The following RAB30 variants were observed in gnomAD, a reference collection of about 807,000 sequenced individuals.
RAB30 encodes RAB30, member RAS oncogene family.
A neutral mutation model predicts 25.1 loss-of-function variants in RAB30; 9 were observed. That is an observed-to-expected ratio of 0.36 (90% CI 0.22 to 0.63). The LOEUF is 0.63. RAB30 is among the 20% of genes least tolerant of loss of function. The probability of loss-of-function intolerance (pLI) is 0.69; values close to 1 mark genes in which losing one functional copy is unlikely to be tolerated. For missense variants in RAB30, 140 were observed against 243.5 expected (o/e 0.58, Z 2.83); for synonymous variants, 77 against 86.4 (o/e 0.89, Z 0.60).
At chr11:83,058,441 A>G (rs1426976921) in intron 1 of RAB30, among the ~76,000 whole-genome samples, 2 of 152,222 alleles carry the variant, frequency 1.3e-5, no homozygotes, top group African/African-American at 4.8e-5. Context: ...ACCATTCCTC[A>G]GTCTTTGTTT....
At chr11:83,014,408 TGTG>T (rs199851419) in intron 1 of RAB30, among the ~76,000 whole-genome samples, 2,845 of 151,970 alleles carry the variant, frequency 0.019, 85 homozygotes, top group African/African-American at 0.065. Flanking sequence ...ATTAGCTGGA[TGTG>T]GTGGTACACA....
At chr11:83,051,285 C>CACA (rs1239928495) in intron 1 of RAB30, among the ~76,000 whole-genome samples, 2 of 152,152 alleles carry the variant, frequency 1.3e-5, no homozygotes, top group African/African-American at 4.8e-5. Context: ...AACTGCTGTA[C>CACA]ACACAAGAAA....
At chr11:83,044,389 G>A (rs1356793740) in intron 1 of RAB30, among the ~76,000 whole-genome samples, 1 of 152,190 alleles carries the variant, frequency 6.6e-6, no homozygotes, top group African/African-American at 2.4e-5. Context: ...TAGGTTCAAA[G>A]GATATGGCTT....
chr11:82,990,417 A>T (rs1289956205), intron 3 of RAB30, among the ~76,000 whole-genome samples: 2 of 152,246 alleles, frequency 1.3e-5, no homozygotes, highest in African/African-American at 4.8e-5. Context: ...TTAACAGATT[A>T]GTAGGGTATT....
chr11:83,011,595 G>A (rs1241434665), intron 1 of RAB30, among the ~76,000 whole-genome samples: 1 of 152,198 alleles, frequency 6.6e-6, no homozygotes, highest in African/African-American at 2.4e-5. Context: ...AATTAGAAAG[G>A]CATTTAACAG....
chr11:83,036,624 GAAC>G (rs964629280), intron 1 of RAB30, among the ~76,000 whole-genome samples: 64 of 152,302 alleles, frequency 4.2e-4, no homozygotes, highest in African/African-American at 1.5e-3. Context: ...AGTTACCAAA[GAAC>G]TACTGTTCTC....
intron 1 of RAB30, among the ~76,000 whole-genome samples, chr11:83,013,984 C>T (rs1212857129): frequency 2.0e-5 from 3 of 152,206 alleles, no homozygotes; most frequent in Admixed American, 2.0e-4. Flanking sequence ...TCACTCATTT[C>T]ATACATTTGT....
intron 1 of RAB30, among the ~76,000 whole-genome samples, chr11:83,009,441 C>A (rs972636539): frequency 6.6e-6 from 1 of 152,066 alleles, no homozygotes; most frequent in African/African-American, 2.4e-5. Flanking sequence ...TCTATGAAAT[C>A]AAGAATTCTG....
At chr11:83,032,055 A>G (rs1269617784) in intron 1 of RAB30, among the ~76,000 whole-genome samples, 1 of 152,172 alleles carries the variant, frequency 6.6e-6, no homozygotes, top group Non-Finnish European at 1.5e-5. Context: ...GAAAAGACAG[A>G]GCCGTCCACT....
chr11:82,986,988 G>T (rs769519965), intron 4 of RAB30: 1 of 146,528 alleles, frequency 6.8e-6, no homozygotes, highest in Non-Finnish European at 1.5e-5. Flanking sequence ...ACTACAAACA[G>T]AGAAGTTTTT....
At chr11:82,992,805 T>C (rs2121453973) in intron 3 of RAB30, among the ~76,000 whole-genome samples, 1 of 149,590 alleles carries the variant, frequency 6.7e-6, no homozygotes. Flanking sequence ...TGGAGTGCAA[T>C]GGCACAATCA....
At chr11:83,020,421 C>A (rs1389321795) in intron 1 of RAB30, among the ~76,000 whole-genome samples, 1 of 152,204 alleles carries the variant, frequency 6.6e-6, no homozygotes, top group Non-Finnish European at 1.5e-5. Context: ...TAGGCACCAA[C>A]AAACATGGGA....
At chr11:82,983,978 A>C (rs926904919) in intron 4 of RAB30, among the ~76,000 whole-genome samples, 1 of 152,196 alleles carries the variant, frequency 6.6e-6, no homozygotes, top group Non-Finnish European at 1.5e-5. Flanking sequence ...GGAAAAAGGA[A>C]ATATAAATAT....
At chr11:83,029,478 C>T (rs981223176) in intron 1 of RAB30, among the ~76,000 whole-genome samples, 5 of 151,954 alleles carry the variant, frequency 3.3e-5, no homozygotes, top group African/African-American at 1.2e-4. Context: ...TCATGGCTCA[C>T]TGCAGCCTCA....
chr11:83,003,003 T>C lies in RAB30; in HGVS notation c.-8-5679A>G, dbSNP rs576700480. Among the ~76,000 whole-genome samples, 96 of 152,308 alleles carry C rather than the reference T, an allele frequency of 6.3e-4. 1 individual carries two copies. Among genetic ancestry groups the C allele is most frequent in the Admixed American group, 1.2e-3 (19 of 15,300 alleles). ...AAACTGTGTGTCTCAGGCAGGTCCT[T>C]TGGGCCTTGACTTGGTCTGTAAATG... On this transcript the variant is annotated intron_variant, in intron 1 of 4. Coordinates refer to ENST00000527633, the MANE Select transcript of RAB30 (RefSeq NM_001286060.2).
chr11:83,018,399 T>A (rs1857490042), intron 1 of RAB30, among the ~76,000 whole-genome samples: 1 of 151,622 alleles, frequency 6.6e-6, no homozygotes, highest in African/African-American at 2.4e-5. Context: ...AGGAGTAAGG[T>A]GGTATCTCAT....
intron 1 of RAB30, among the ~76,000 whole-genome samples, chr11:83,030,508 C>G (rs1857831211): frequency 6.6e-6 from 1 of 151,558 alleles, no homozygotes; most frequent in Admixed American, 6.6e-5. Context: ...AAAAAAAAGT[C>G]TTTTTTTGGC....
chr11:83,019,063 G>A lies in RAB30; in HGVS notation c.-8-21739C>T, dbSNP rs547053007. Among the ~76,000 whole-genome samples, 78 of 152,310 alleles carry A rather than the reference G, an allele frequency of 5.1e-4. 1 individual carries two copies. The highest frequency in any genetic ancestry group is 1.5e-3 in the African/African-American group (64 of 41,580). On this transcript the variant is annotated intron_variant, in intron 1 of 4. Coordinates refer to ENST00000527633, the MANE Select transcript of RAB30 (RefSeq NM_001286060.2). ...TTGTTTTGAGACAGAGTCTCACTCCGTCACCCAGGCTGGAATGCAGTGGCA... is the reference window on the plus strand; with the variant it reads ...TTGTTTTGAGACAGAGTCTCACTCCATCACCCAGGCTGGAATGCAGTGGCA...
intron 1 of RAB30, among the ~76,000 whole-genome samples, chr11:83,049,572 C>T (rs1192966384): frequency 4.0e-5 from 6 of 151,446 alleles, no homozygotes; most frequent in African/African-American, 9.7e-5. Flanking sequence ...CCTCAACCTG[C>T]GGGGCTCAAG....
Sources: gnomAD v4.1 joint callset for allele counts (sites outside exome capture counted in the v4.1 genomes callset) on GRCh38, gnomAD v4.1.1 for gene constraint, MANE v1.5 for transcripts, NCBI Gene and HGNC (gene_info 2026-07-23, HGNC 2026-07-21) for gene names.